The following PHF10 variants were observed in gnomAD, a reference collection of about 807,000 sequenced individuals.
PHF10 encodes the protein PHD finger protein 10.
PHF10 carries 51 observed loss-of-function variants against 68.5 expected under a neutral mutation model. The ratio of observed to expected loss-of-function variants is 0.74; its 90% confidence interval spans 0.59 to 0.94. The LOEUF (loss-of-function observed/expected upper bound fraction) is 0.94, where lower values mean the gene tolerates loss of function less well. PHF10 is among the 40% of genes least tolerant of loss of function. PHF10 has a pLI of 0.00. For synonymous variants in PHF10, 204 were observed against 203.5 expected (o/e 1.00, Z -0.02); for missense variants, 460 against 602.6 (o/e 0.76, Z 2.48).
intron 9 of PHF10, chr6:169,709,969 T>C (rs910632300): frequency 3.7e-5 from 9 of 240,096 alleles, no homozygotes; most frequent in East Asian, 8.2e-5. Flanking sequence ...TAAAAACCCA[T>C]ACTTGCCTGG....
chr6:169,708,703 C>T (rs3211062), intron 9 of PHF10: 76,521 of 151,948 alleles, frequency 0.5, 23,763 homozygotes, highest in East Asian at 0.98. Context: ...TGTTGAATAG[C>T]TGATTTCCAG....
intron 2 of PHF10, among the ~76,000 whole-genome samples, 174 bp downstream of exon 2, chr6:169,720,831 C>T (rs6459654): frequency 0.56 from 84,406 of 152,020 alleles, 27,476 homozygotes; most frequent in East Asian, 0.98. Context: ...CATAAAATTG[C>T]TTTTTAATTA....
chr6:169,721,675 ATTT>A (rs201268492), intron 1 of PHF10, among the ~76,000 whole-genome samples: 2 of 145,968 alleles, frequency 1.4e-5, no homozygotes, highest in Non-Finnish European at 3.0e-5. Flanking sequence ...GGGGAGGGGA[ATTT>A]TTTTTTTAAA....
chr6:169,707,261 A>G (rs771732596), intron 9 of PHF10: 3 of 152,188 alleles, frequency 2.0e-5, no homozygotes, highest in Non-Finnish European at 4.4e-5. Context: ...TAAGTCTTGC[A>G]GTGTAGTTAC....
At chr6:169,712,599 C>T in intron 7 of PHF10, 60 bp from the exon 8 acceptor site, 1 of 1,435,834 alleles carries the variant, frequency 7.0e-7, no homozygotes, top group South Asian at 1.3e-5. Flanking sequence ...ACAGACTCAT[C>T]TTTGACCTAT....
Sources: gnomAD v4.1 joint callset for allele counts (sites outside exome capture counted in the v4.1 genomes callset) on GRCh38, gnomAD v4.1.1 for gene constraint, MANE v1.5 for transcripts, NCBI Gene and HGNC (gene_info 2026-07-23, HGNC 2026-07-21) for gene names.